EYS: variants seen among roughly 807,000 people sequenced by gnomAD.
EYS encodes the protein protein eyes shut homolog.
EYS carries 250 observed loss-of-function variants against 282.1 expected under a neutral mutation model. The ratio of observed to expected loss-of-function variants is 0.89; its 90% CI spans 0.80 to 0.98. EYS has a LOEUF of 0.98. Ranked by LOEUF, EYS falls within the 50% of genes least tolerant of loss-of-function variation. The probability of loss-of-function intolerance (pLI) is 0.00; values close to 1 mark genes in which losing one functional copy is unlikely to be tolerated. For synonymous variants in EYS, 1,355 were observed against 1,282.9 expected, an observed-to-expected ratio of 1.06 and a Z score of -1.20; for missense variants, 4,016 against 3,709.0, an observed-to-expected ratio of 1.08 and a Z score of -2.15.
At chr6:64,516,412 G>A (rs933553398) in intron 26 of EYS, among the ~76,000 whole-genome samples, 44 of 151,792 alleles carry the variant, frequency 2.9e-4, no homozygotes, top group South Asian at 1.2e-3. Flanking sequence ...AAGTTTACCC[G>A]TGTAACAAAT....
chr6:64,235,086 A>AT (rs11309412), intron 30 of EYS, among the ~76,000 whole-genome samples: 4 of 150,402 alleles, frequency 2.7e-5, no homozygotes, highest in African/African-American at 9.7e-5. Context: ...TTTTATTTTT[A>AT]TTTTTTTTAA....
chr6:64,402,537 C>T (rs966872226), intron 28 of EYS, among the ~76,000 whole-genome samples: 1 of 152,144 alleles, frequency 6.6e-6, no homozygotes, highest in African/African-American at 2.4e-5. Flanking sequence ...TAAATGGCAC[C>T]TCCTTCTATC....
chr6:65,515,726 G>A (rs1181771650), intron 2 of EYS, among the ~76,000 whole-genome samples: 2 of 144,992 alleles, frequency 1.4e-5, no homozygotes, highest in Non-Finnish European at 3.0e-5. Context: ...TCACTCATAG[G>A]TGGGAATTGA....
chr6:64,492,911 T>C (rs1176047793), intron 26 of EYS, among the ~76,000 whole-genome samples: 2 of 151,384 alleles, frequency 1.3e-5, no homozygotes, highest in African/African-American at 2.4e-5. Context: ...AAAGATACAA[T>C]GGTGAAATGG....
intron 12 of EYS, among the ~76,000 whole-genome samples, chr6:65,188,231 C>A (rs1444514076): frequency 6.6e-6 from 1 of 151,552 alleles, no homozygotes; most frequent in Non-Finnish European, 1.5e-5. Context: ...CTCAATTCAA[C>A]TGGAAGATAA....
intron 12 of EYS, among the ~76,000 whole-genome samples, chr6:65,138,866 C>T (rs114444815): frequency 0.021 from 3,236 of 152,074 alleles, 54 homozygotes; most frequent in Non-Finnish European, 0.037. Context: ...TAGAGAAGTG[C>T]AAATCAAAAC....
chr6:64,522,303 G>A (rs746118392), intron 26 of EYS, among the ~76,000 whole-genome samples: 1 of 151,652 alleles, frequency 6.6e-6, no homozygotes, highest in Non-Finnish European at 1.5e-5. Flanking sequence ...AAGCATATAT[G>A]AAACATGCTT....
At chr6:63,985,513 A>G (rs1293282892) in intron 34 of EYS, among the ~76,000 whole-genome samples, 1 of 151,720 alleles carries the variant, frequency 6.6e-6, no homozygotes, top group Non-Finnish European at 1.5e-5. Flanking sequence ...AGCAAAATGT[A>G]CGGTGCTTGC....
At chr6:65,075,012 G>T (rs966282703) in intron 12 of EYS, among the ~76,000 whole-genome samples, 1 of 152,066 alleles carries the variant, frequency 6.6e-6, no homozygotes. Flanking sequence ...AGTAGTCATT[G>T]TGTATAATAC....
intron 2 of EYS, among the ~76,000 whole-genome samples, chr6:65,509,736 C>T (rs910259816): frequency 6.6e-6 from 1 of 152,116 alleles, no homozygotes; most frequent in African/African-American, 2.4e-5. Context: ...TTTCTCAGTA[C>T]TTTCAAACTT....
chr6:64,249,250 G>A (rs1767127899), intron 30 of EYS, among the ~76,000 whole-genome samples: 1 of 152,028 alleles, frequency 6.6e-6, no homozygotes, highest in East Asian at 1.9e-4. Flanking sequence ...GGAACTGGAA[G>A]CCGTTATCTT....
intron 31 of EYS, among the ~76,000 whole-genome samples, chr6:64,100,673 C>T (rs565051235): frequency 1.5e-4 from 23 of 152,242 alleles, no homozygotes; most frequent in African/African-American, 5.5e-4. Flanking sequence ...TATCCTGACA[C>T]TTTCATACTG....
At chr6:65,234,590 C>T (rs947818389) in intron 12 of EYS, among the ~76,000 whole-genome samples, 2 of 152,184 alleles carry the variant, frequency 1.3e-5, no homozygotes, top group Non-Finnish European at 2.9e-5. Flanking sequence ...TTTTATTTAA[C>T]ATCTCCTTTC....
At chr6:65,444,919 T>G (rs1768594259) in intron 5 of EYS, among the ~76,000 whole-genome samples, 1 of 152,026 alleles carries the variant, frequency 6.6e-6, no homozygotes, top group Non-Finnish European at 1.5e-5. Flanking sequence ...GCTTTTTCAG[T>G]CTTCACTAGC....
chr6:63,757,903 G>GT, intron 41 of EYS, among the ~76,000 whole-genome samples: 1 of 152,086 alleles, frequency 6.6e-6, no homozygotes, highest in Non-Finnish European at 1.5e-5. Context: ...TTCTTTGTTT[G>GT]TTTGTTTTCT....
At chr6:63,775,275 T>C (rs992243952) in intron 40 of EYS, among the ~76,000 whole-genome samples, 1 of 152,192 alleles carries the variant, frequency 6.6e-6, no homozygotes, top group Non-Finnish European at 1.5e-5. Context: ...CTTTCCCTTA[T>C]GTACCAAAAC....
chr6:64,841,589 G>T (rs1038892573), intron 19 of EYS, among the ~76,000 whole-genome samples: 1 of 152,000 alleles, frequency 6.6e-6, no homozygotes, highest in Non-Finnish European at 1.5e-5. Flanking sequence ...TTCCCAATCC[G>T]AAATCCAGAA....
intron 31 of EYS, among the ~76,000 whole-genome samples, chr6:64,142,094 G>A (rs1407242487): frequency 1.3e-5 from 2 of 152,010 alleles, no homozygotes; most frequent in African/African-American, 4.8e-5. Flanking sequence ...TGAATGCCTA[G>A]GAGTCCTCGA....
chr6:65,456,276 C>T (rs1328458499), intron 5 of EYS, among the ~76,000 whole-genome samples: 1 of 151,910 alleles, frequency 6.6e-6, no homozygotes. Flanking sequence ...CATGGTGAAA[C>T]CCCGTCTCTA....
Sources: gnomAD v4.1 joint callset for allele counts (sites outside exome capture counted in the v4.1 genomes callset) on GRCh38, gnomAD v4.1.1 for gene constraint, MANE v1.5 for transcripts, NCBI Gene and HGNC (gene_info 2026-07-23, HGNC 2026-07-21) for gene names.